The following NCKAP5 variants were observed in gnomAD, a reference collection of about 807,000 sequenced individuals.
NCKAP5 encodes the protein NCK associated protein 5.
Under a neutral mutation model 167.0 loss-of-function variants are expected in NCKAP5, and 92 were observed. The observed-to-expected ratio is 0.55, with a 90% confidence interval of 0.47 to 0.66. NCKAP5 has a LOEUF of 0.66. Among genes scored for constraint, NCKAP5 ranks in the 30% least tolerant of loss-of-function variants. The pLI is 0.00. For synonymous variants in NCKAP5, 891 were observed against 877.4 expected (o/e 1.02, Z -0.27); for missense variants, 2,378 against 2,315.0 (o/e 1.03, Z -0.56).
intron 4 of NCKAP5, among the ~76,000 whole-genome samples, chr2:133,219,383 G>A (rs559655779): frequency 6.6e-6 from 1 of 152,290 alleles, no homozygotes; most frequent in East Asian, 1.9e-4. Flanking sequence ...TGTCTTTTGG[G>A]GACCATGCTC....
chr2:133,407,938 T>C (rs1043148224), intron 3 of NCKAP5, among the ~76,000 whole-genome samples: 3 of 152,128 alleles, frequency 2.0e-5, no homozygotes, highest in African/African-American at 7.2e-5. Context: ...AGGTGCCCTT[T>C]GACTTAGGGT....
chr2:132,840,369 G>A (rs12052549), intron 11 of NCKAP5, among the ~76,000 whole-genome samples: 21,861 of 150,154 alleles, frequency 0.15, 1,633 homozygotes, highest in Middle Eastern at 0.24. Flanking sequence ...TCCACCTCCC[G>A]GGTTCAAGCA....
chr2:133,649,281 A>C, the NCKAP5 span, among the ~76,000 whole-genome samples: 1 of 151,150 alleles, frequency 6.6e-6, no homozygotes, highest in East Asian at 1.9e-4. Flanking sequence ...GGACCAGATG[A>C]CTGAACTGAT....
At chr2:132,999,760 T>TCC in intron 6 of NCKAP5, among the ~76,000 whole-genome samples, 1 of 152,144 alleles carries the variant, frequency 6.6e-6, no homozygotes, top group Non-Finnish European at 1.5e-5. Flanking sequence ...CAACCCAAAA[T>TCC]CTAGCCCTCT....
At chr2:133,079,158 T>C (rs929121297) in intron 6 of NCKAP5, among the ~76,000 whole-genome samples, 7 of 152,190 alleles carry the variant, frequency 4.6e-5, no homozygotes, top group African/African-American at 1.7e-4. Flanking sequence ...CAATACTCTG[T>C]ATCTTCCACA....
In NCKAP5 at chr2:133,299,247, G is replaced by A. The variant is rs1680183495; in HGVS notation, c.143+3790C>T. Among the ~76,000 whole-genome samples, 3 of 152,144 alleles carry A rather than the reference G, an allele frequency of 2.0e-5. No individual in the cohort carries two copies. In the South Asian group the frequency reaches 6.2e-4, roughly 32 times the overall value. The stretch of plus-strand genomic sequence containing the variant: ...TTAAAACATATAGCACTTTACCCAA[G>A]ACCTAGAACGCCTGAAAGAAGATAA... On this transcript the variant is annotated intron_variant, in intron 4 of 19. Transcript: ENST00000409261.
intron 6 of NCKAP5, among the ~76,000 whole-genome samples, chr2:133,005,596 G>A (rs2077937693): frequency 6.6e-6 from 1 of 152,120 alleles, no homozygotes; most frequent in African/African-American, 2.4e-5. Flanking sequence ...GTAATCTGAA[G>A]CACAAACATT....
Position 133,394,929 on chromosome 2 carries a change from A to T in NCKAP5, c.70-91819T>A, listed in dbSNP as rs191091495. Among the ~76,000 whole-genome samples, 152 of 152,340 alleles carry T rather than the reference A, an allele frequency of 1.0e-3. 1 individual carries two copies. Among genetic ancestry groups the T allele is most frequent in the African/African-American group, 3.5e-3 (147 of 41,592 alleles). On this transcript the variant is annotated intron_variant, in intron 3 of 19. Transcript: ENST00000409261. Reference sequence around the variant, plus strand: ...AAGCAGATTTGTTCACCTGGTCTCAAAATAATAAAATTGTGCATTTTCACC... The same window carrying T: ...AAGCAGATTTGTTCACCTGGTCTCATAATAATAAAATTGTGCATTTTCACC...
chr2:133,406,076 C>A (rs1319463716), intron 3 of NCKAP5, among the ~76,000 whole-genome samples: 1 of 152,236 alleles, frequency 6.6e-6, no homozygotes, highest in Non-Finnish European at 1.5e-5. Context: ...CTTTTCCCAT[C>A]ATGTTGGGAT....
At chr2:133,525,571 G>A (rs1684804568) in intron 2 of NCKAP5, among the ~76,000 whole-genome samples, 1 of 152,220 alleles carries the variant, frequency 6.6e-6, no homozygotes, top group African/African-American at 2.4e-5. Flanking sequence ...TCAGAGAAGA[G>A]AGGTCAGAGA....
chr2:133,268,119 C>G (rs1026156918), intron 4 of NCKAP5, among the ~76,000 whole-genome samples: 5 of 152,166 alleles, frequency 3.3e-5, no homozygotes, highest in African/African-American at 1.2e-4. Context: ...GGTATAAGAG[C>G]TAAGCAAAAA....
chr2:132,910,072 T>G lies in NCKAP5; in HGVS notation c.580-31156A>C, dbSNP rs534057599. Among the ~76,000 whole-genome samples the G allele has an allele frequency of 2.6e-5, 4 of 152,342 alleles. No homozygotes were observed. The East Asian group carries it at 7.7e-4, about 29-fold the overall frequency. ...GGAGTCAGTATTCAGACTCAGGGTT[T>G]TCTGATACCAGCAACCATAATATTT... On this transcript the variant is annotated intron_variant, in intron 8 of 19. Transcript: ENST00000409261.
intron 4 of NCKAP5, among the ~76,000 whole-genome samples, chr2:133,228,282 A>G (rs1290377117): frequency 6.6e-6 from 1 of 152,182 alleles, no homozygotes; most frequent in Admixed American, 6.5e-5. Flanking sequence ...CACTTTTTAT[A>G]TATTTCTTAA....
intron 8 of NCKAP5, among the ~76,000 whole-genome samples, chr2:132,942,903 C>A (rs1480123502): frequency 6.6e-6 from 1 of 152,204 alleles, no homozygotes; most frequent in African/African-American, 2.4e-5. Flanking sequence ...ACGGGAGTAA[C>A]TCTTAGGAAG....
At chr2:133,385,035 T>C (rs1381228913) in intron 3 of NCKAP5, among the ~76,000 whole-genome samples, 1 of 152,190 alleles carries the variant, frequency 6.6e-6, no homozygotes, top group African/African-American at 2.4e-5. Flanking sequence ...GAATAGGCTT[T>C]ATTTCTTTCT....
intron 3 of NCKAP5, among the ~76,000 whole-genome samples, chr2:133,420,719 T>A (rs1689420595): frequency 6.6e-6 from 1 of 152,186 alleles, no homozygotes; most frequent in South Asian, 2.1e-4. Context: ...TGTTTTTTTA[T>A]ATATTTTATT....
At chr2:132,751,623 C>T (rs1680123518) in intron 16 of NCKAP5, among the ~76,000 whole-genome samples, 1 of 152,170 alleles carries the variant, frequency 6.6e-6, no homozygotes, top group South Asian at 2.1e-4. Flanking sequence ...TCAAGGCCTC[C>T]ATCATCCTGG....
intron 16 of NCKAP5, among the ~76,000 whole-genome samples, chr2:132,741,688 A>G (rs566753193): frequency 5.3e-5 from 8 of 152,268 alleles, no homozygotes; most frequent in Non-Finnish European, 1.2e-4. Context: ...TACTTTAATT[A>G]GCAAAACCTT....
intron 8 of NCKAP5, among the ~76,000 whole-genome samples, chr2:132,885,438 T>C (rs1053921450): frequency 3.3e-5 from 5 of 152,220 alleles, no homozygotes. Context: ...AATGTAACAG[T>C]GAATCTTTGC....
Sources: gnomAD v4.1 joint callset for allele counts (sites outside exome capture counted in the v4.1 genomes callset) on GRCh38, gnomAD v4.1.1 for gene constraint, MANE v1.5 for transcripts, NCBI Gene and HGNC (gene_info 2026-07-23, HGNC 2026-07-21) for gene names.